Variants in MKNK2 observed in about 807,000 individuals in gnomAD.
MKNK2 encodes MAPK interacting serine/threonine kinase 2, also known as MAP kinase-interacting serine/threonine-protein kinase 2.
A neutral mutation model predicts 55.0 loss-of-function variants in MKNK2; 54 were observed. That is an observed-to-expected ratio of 0.98 (90% confidence interval 0.79 to 1.23). The LOEUF (loss-of-function observed/expected upper bound fraction) is 1.23. Ranked by LOEUF, MKNK2 falls within the 50% of genes most tolerant of loss-of-function variation. The pLI, the probability that MKNK2 is intolerant of heterozygous loss-of-function variation, is 0.00. For missense variants in MKNK2, 685 were observed against 632.1 expected (o/e 1.08, Z -0.90); for synonymous variants, 323 against 256.0 (o/e 1.26, Z -2.50).
At chr19:2,042,113 C>G in intron 10 of MKNK2, 79 bp from the exon 11 acceptor site, 3 of 1,322,148 alleles carry the variant, frequency 2.3e-6, no homozygotes, top group South Asian at 1.6e-5. Flanking sequence ...TGCGGGTCAC[C>G]TGCGCCAGCC....
rs562548979 is a variant in MKNK2, at chr19:2,050,827, G to A, written c.25C>T (p.Leu9Phe). The change falls in exon 2 of 14, where the codon CTT becomes TTT. Residue 9 changes from leucine (L) to phenylalanine (F), a missense_variant. Coordinates refer to ENST00000250896, the MANE Select transcript of MKNK2 (RefSeq NM_199054.3). The stretch of plus-strand genomic sequence containing the variant: ...TTGAACGAACGGTGGAAACCCTGAA[G>A]TTCGGCTGGTTTCTTCTGCACCATC... MVQKKPAE[L>F]QGFHRSFKGQ... 1 of 1,537,486 alleles carries A rather than the reference G, an allele frequency of 6.5e-7. No individual in the cohort carries two copies. The highest frequency in any genetic ancestry group is 8.8e-7 in the Non-Finnish European group (1 of 1,141,810).
chr19:2,048,259 C>A (rs962787703), intron 2 of MKNK2, among the ~76,000 whole-genome samples: 1 of 152,112 alleles, frequency 6.6e-6, no homozygotes, highest in South Asian at 2.1e-4. Flanking sequence ...AGCCCCAGGA[C>A]CATGGGAGCA....
At chr19:2,049,063 C>T (rs1008385318) in intron 2 of MKNK2, among the ~76,000 whole-genome samples, 1 of 152,204 alleles carries the variant, frequency 6.6e-6, no homozygotes, top group African/African-American at 2.4e-5. Context: ...GAGCTCCTGG[C>T]CCTGTCTGGC....
In MKNK2 at chr19:2,042,977, C is replaced by G. The variant is rs1200166605; in HGVS notation, c.494-107G>C. On this transcript the variant is annotated intron_variant, in intron 7 of 13. Coordinates refer to ENST00000250896, the MANE Select transcript of MKNK2 (RefSeq NM_199054.3). ...TTTGGCGGGGACGCCCCCACACTGG[C>G]TTCCTCCAGCACAAAGGCCTCACCC... 32 of 1,347,412 alleles carry G rather than the reference C, an allele frequency of 2.4e-5. No homozygotes were observed. The East Asian group carries it at 6.0e-4, about 25-fold the overall frequency. 83.5% of individuals were successfully genotyped at this position (1,347,412 alleles called of 1,614,324 possible).
intron 10 of MKNK2, 160 bp from the exon 11 acceptor site, chr19:2,042,194 G>A (rs925792879): frequency 1.3e-6 from 1 of 742,834 alleles, no homozygotes; most frequent in African/African-American, 1.9e-5. Context: ...CCAATCAGCA[G>A]GTGCAGAGCT....
chr19:2,038,867 C>T lies in MKNK2; in HGVS notation c.*746G>A, dbSNP rs1262719939. The T allele has an allele frequency of 4.1e-6, 4 of 985,638 alleles. No homozygotes were observed. Among genetic ancestry groups the T allele is most frequent in the Middle Eastern group, 5.2e-4 (1 of 1,936 alleles). 61.1% of individuals were successfully genotyped at this position (985,638 alleles called of 1,614,324 possible). ...TTGGTGTGGAGGGGAGGGGCAGCGG[C>T]GAGCCCCTGGGGTCAGCTGCAGTTT... On this transcript the variant is annotated 3_prime_UTR_variant, in exon 14 of 14. Coordinates refer to ENST00000250896, the MANE Select transcript of MKNK2 (RefSeq NM_199054.3).
chr19:2,038,467 G>A lies in MKNK2; in HGVS notation c.*1146C>T. On this transcript the variant is annotated 3_prime_UTR_variant, in exon 14 of 14. Coordinates refer to ENST00000250896, the MANE Select transcript of MKNK2 (RefSeq NM_199054.3). ...GCAGGCTCCGCAGCCCCCGGGGGTT[G>A]GAGCATGGAGGGTGGGGGGACTGAG... 9 of 985,628 alleles carry A rather than the reference G, an allele frequency of 9.1e-6. No homozygotes were observed. The South Asian group carries it at 2.8e-4, about 31-fold the overall frequency. 61.1% of individuals were successfully genotyped at this position (985,628 alleles called of 1,614,324 possible).
In MKNK2 at chr19:2,037,833, CAGAA is replaced by C. The variant is rs750140334; in HGVS notation, c.*1776_*1779del. On this transcript the variant is annotated 3_prime_UTR_variant, in exon 14 of 14. Transcript: ENST00000250896. ...GAGGAGGAAGTGACTGTCCCACCTT[CAGAA>C]AAAAAAAAAAAAACAAACAAACAAA... 6.6e-7 allele frequency: 1 copy of C among 1,506,086 alleles called. No individual in the cohort carries two copies. The highest frequency in any genetic ancestry group is 9.0e-7 in the Non-Finnish European group (1 of 1,112,742). 93.3% of individuals were successfully genotyped at this position (1,506,086 alleles called of 1,614,324 possible).
chr19:2,046,422 C>G lies in MKNK2; in HGVS notation c.186G>C (p.Arg62Ser). The stretch of plus-strand genomic sequence containing the variant: ...CCCGGCCGCGCTTCTTCTTCTTGCC[C>G]CTCTTCTTGGCGTCCGGGATGTCAA... ...QPIDIPDAKK[R>S]GKKKKRGRAT... is the part of the protein sequence containing the mutation. The change falls in exon 4 of 14, where the codon AGG becomes AGC. Residue 62 changes from arginine to serine, a missense_variant. Transcript: ENST00000250896. The G allele has an allele frequency of 6.2e-7, 1 of 1,609,632 alleles. No homozygotes were observed. The highest frequency in any genetic ancestry group is 1.1e-5 in the South Asian group (1 of 91,086).
In MKNK2 at chr19:2,037,959, AT is replaced by A; in HGVS notation, c.*1653del. 7.2e-7 allele frequency: 1 copy of A among 1,382,242 alleles called. No individual in the cohort carries two copies. The highest frequency in any genetic ancestry group is 2.8e-5 in the Admixed American group (1 of 35,340). 85.6% of individuals were successfully genotyped at this position (1,382,242 alleles called of 1,614,324 possible). ...GTTCTTTGATACAAAAAGGCAGAGA[AT>A]CCCCCGTTACGAAACATGGAATCAC... is the stretch of plus-strand genomic sequence containing the variant. On this transcript the variant is annotated 3_prime_UTR_variant, in exon 14 of 14. Coordinates refer to ENST00000250896, the MANE Select transcript of MKNK2 (RefSeq NM_199054.3).
At position 2,046,351 on chromosome 19, in the gene MKNK2, C is replaced by T. The variant is rs749981671; in HGVS notation, c.241+16G>A. 6.5e-5 allele frequency: 104 copies of T among 1,605,356 alleles called. 1 individual carries two copies. The highest frequency in any genetic ancestry group is 1.1e-4 in the African/African-American group (8 of 74,924). The stretch of plus-strand genomic sequence containing the variant: ...CCCCGCTCCCGGCTCCCCCAATGCC[C>T]GCCATCCCCGCTCACCTTCAAACCT... On this transcript the variant is annotated intron_variant, in intron 4 of 13. Transcript: ENST00000250896.
chr19:2,039,732 C>T lies in MKNK2; in HGVS notation c.1279G>A (p.Val427Ile). The T allele has an allele frequency of 6.2e-7, 1 of 1,611,118 alleles. No individual in the cohort carries two copies. Among genetic ancestry groups the T allele is most frequent in the South Asian group, 1.1e-5 (1 of 91,070 alleles). Residue 427 changes from valine to isoleucine, a missense_variant, in exon 14 of 14, where the codon GTC (valine) becomes ATC (isoleucine). Physicochemically the swap from Val to Ile is conservative, Grantham distance 29. Coordinates refer to ENST00000250896, the MANE Select transcript of MKNK2 (RefSeq NM_199054.3). ...EAAGQGQPVL[V>I]RATSRCLQLS... ...TGCAGGCAGCGTGAGGTAGCTCGGA[C>T]CAGGACGGGCTGGCCCTGCCCCGCG...
chr19:2,042,170 G>A (rs2016901334), intron 10 of MKNK2, 136 bp from the exon 11 acceptor site: 2 of 880,648 alleles, frequency 2.3e-6, no homozygotes, highest in South Asian at 1.9e-5. Flanking sequence ...CGGCTGCCGG[G>A]AACGCGCCCC....
Position 2,037,791 on chromosome 19 carries a change from C to T in MKNK2, c.*1822G>A, listed in dbSNP as rs770791796. 3.7e-5 allele frequency: 59 copies of T among 1,603,972 alleles called. No individual in the cohort carries two copies. Among genetic ancestry groups the T allele is most frequent in the East Asian group, 3.1e-4 (14 of 44,752 alleles). On this transcript the variant is annotated 3_prime_UTR_variant, in exon 14 of 14. Transcript: ENST00000250896. ...CAGTCCTCCAGGTCGCACGTGGATG[C>T]GACAGGGGTGGGGAGGGAGGAGGAA...
chr19:2,049,043 AG>A (rs2017057730), intron 2 of MKNK2, among the ~76,000 whole-genome samples: 1 of 152,168 alleles, frequency 6.6e-6, no homozygotes, highest in Admixed American at 6.5e-5. Context: ...GGGGCCACAG[AG>A]CCCAGCGTGA....
rs2016993535 is a variant in MKNK2 at position 2,046,232 on chromosome 19, A to G, written c.293T>C (p.Val98Ala). 2 of 1,607,574 alleles carry G rather than the reference A, an allele frequency of 1.2e-6. No individual in the cohort carries two copies. The highest frequency in any genetic ancestry group is 1.7e-6 in the Non-Finnish European group (2 of 1,179,924). The change falls in exon 5 of 14, where the codon GTG becomes GCG. Residue 98 changes from valine to alanine, a missense_variant. Transcript: ENST00000250896. ...GGTGATCAGGTTGATGCAGGTCTGC[A>G]CTCGGGCATGAGCGCCCTCCCCCAG... ...DVLGEGAHAR[V>A]QTCINLITSQ...
chr19:2,044,010 T>C (rs1407775890), intron 5 of MKNK2, among the ~76,000 whole-genome samples: 2 of 126,320 alleles, frequency 1.6e-5, no homozygotes, highest in African/African-American at 3.1e-5. Flanking sequence ...AAAAAGCCAG[T>C]GGAGGCTGCT....
At chr19:2,050,773 G>A in intron 2 of MKNK2, 28 bp downstream of exon 2, 1 of 1,531,580 alleles carries the variant, frequency 6.5e-7, no homozygotes, top group Non-Finnish European at 8.8e-7. Flanking sequence ...CCAGCCCGGA[G>A]CGCCCCCAAA....
In MKNK2 at chr19:2,046,174, G is replaced by T; in HGVS notation, c.339+12C>A. 6.2e-7 allele frequency: 1 copy of T among 1,607,018 alleles called. No individual in the cohort carries two copies. On this transcript the variant is annotated intron_variant, in intron 5 of 13. Coordinates refer to ENST00000250896, the MANE Select transcript of MKNK2 (RefSeq NM_199054.3). ...AAGGCGCTGGGTTCCCCAGGGCGCG[G>T]CGCGGGCCCACCTTGACGGCGTACT...
Sources: allele counts gnomAD v4.1 joint callset (sites outside exome capture counted in the v4.1 genomes callset), GRCh38; gene constraint gnomAD v4.1.1; transcripts MANE v1.5; gene names NCBI Gene and HGNC (gene_info 2026-07-23, HGNC 2026-07-21).